The following PKD1L3 variants were observed in gnomAD, a reference collection of about 807,000 sequenced individuals.
The protein encoded by PKD1L3 is polycystin-1-like protein 3.
PKD1L3 carries 239 observed loss-of-function variants against 184.1 expected under a neutral mutation model. That is an observed-to-expected ratio of 1.30 (90% confidence interval 1.17 to 1.45). The LOEUF is 1.45. Among genes scored for constraint, PKD1L3 ranks in the 40% most tolerant of loss-of-function variants. The pLI is 0.00. For synonymous variants in PKD1L3, 996 were observed against 778.8 expected, an observed-to-expected ratio of 1.28 and a Z score of -4.64; for missense variants, 2,660 against 2,067.2, an observed-to-expected ratio of 1.29 and a Z score of -5.56.
At chr16:71,999,507 A>G (rs1300473733) in intron 1 of PKD1L3, among the ~76,000 whole-genome samples, 177 bp downstream of exon 1, 1 of 152,334 alleles carries the variant, frequency 6.6e-6, no homozygotes, top group East Asian at 1.9e-4. Flanking sequence ...TTGCTAACAG[A>G]CAAATCAAAG....
At chr16:71,959,140 G>A (rs545405049) in intron 16 of PKD1L3, among the ~76,000 whole-genome samples, 5 of 150,132 alleles carry the variant, frequency 3.3e-5, no homozygotes, top group African/African-American at 7.3e-5. Flanking sequence ...GGCTGGGCAC[G>A]GTGGCCCTCA....
At chr16:71,933,735 C>T (rs989040437) in intron 27 of PKD1L3, among the ~76,000 whole-genome samples, 180 bp downstream of exon 27, 1 of 152,042 alleles carries the variant, frequency 6.6e-6, no homozygotes, top group Non-Finnish European at 1.5e-5. Flanking sequence ...AAGTTTTATC[C>T]CCATTTTAGA....
At chr16:71,951,523 G>C in intron 19 of PKD1L3, 41 bp downstream of exon 19, 4 of 1,513,782 alleles carry the variant, frequency 2.6e-6, no homozygotes, top group Non-Finnish European at 3.6e-6. Context: ...GGGAGTGGGA[G>C]GCAGATGGAA....
At chr16:71,930,348 A>C (rs555850277) in intron 28 of PKD1L3, 165 bp from the exon 29 acceptor site, 1 of 616,700 alleles carries the variant, frequency 1.6e-6, no homozygotes. Context: ...TTTTAAATGG[A>C]CAGAAGAGCA....
chr16:71,977,566 T>C lies in PKD1L3; in HGVS notation c.1528-99A>G, dbSNP rs146520208. The stretch of plus-strand genomic sequence containing the variant: ...GTAAGGAAACGTCCTAGCTCTTTTT[T>C]TTTTTTTTTTTTTTGAGATGGGGTC... On this transcript the variant is annotated intron_variant, in intron 10 of 29. Coordinates refer to ENST00000620267, the MANE Select transcript of PKD1L3 (RefSeq NM_181536.2). 553 of 622,784 alleles carry C rather than the reference T, an allele frequency of 8.9e-4. 3 individuals carry two copies. The highest frequency in any genetic ancestry group is 1.4e-3 in the South Asian group (54 of 39,670). The allele number at this position is 622,784 out of a possible 1,614,324, so 38.6% of individuals were successfully genotyped here.
chr16:71,951,084 A>C (rs1487278225), intron 19 of PKD1L3, among the ~76,000 whole-genome samples: 1 of 151,314 alleles, frequency 6.6e-6, no homozygotes, highest in African/African-American at 2.4e-5. Flanking sequence ...ATGTTGCCCA[A>C]GCTGGAGTGT....
intron 16 of PKD1L3, among the ~76,000 whole-genome samples, chr16:71,955,311 G>C (rs984611039): frequency 1.3e-5 from 2 of 151,664 alleles, no homozygotes; most frequent in African/African-American, 4.8e-5. Flanking sequence ...GGAGTGGGAG[G>C]GAGAGGGAAA....
intron 11 of PKD1L3, among the ~76,000 whole-genome samples, chr16:71,975,643 G>C (rs576703803): frequency 6.6e-6 from 1 of 152,230 alleles, no homozygotes; most frequent in South Asian, 2.1e-4. Context: ...GAATTTTACA[G>C]GGAATAACCA....
intron 21 of PKD1L3, among the ~76,000 whole-genome samples, chr16:71,948,818 A>AAAAAAAAAAAAAAAT (rs1255233734): frequency 1.3e-5 from 2 of 150,058 alleles, no homozygotes; most frequent in African/African-American, 4.9e-5. Flanking sequence ...AAAAAAAAAA[A>AAAAAAAAAAAAAAAT]AAAAAAAGTC....
chr16:71,952,592 T>TGGGAGGCCAAGGTGGGAGAATGGC (rs1555516719), intron 18 of PKD1L3, among the ~76,000 whole-genome samples: 1 of 147,376 alleles, frequency 6.8e-6, no homozygotes, highest in Non-Finnish European at 1.5e-5. Context: ...CCCAGCACTT[T>TGGGAGGCCAAGGTGGGAGAATGGC]GGGAGGCCAA....
At chr16:71,956,833 A>G (rs1180949338) in intron 16 of PKD1L3, among the ~76,000 whole-genome samples, 5 of 152,246 alleles carry the variant, frequency 3.3e-5, no homozygotes, top group Admixed American at 6.5e-5. Context: ...CGTAATTTTA[A>G]AAGTTGTAAA....
chr16:71,959,477 A>G (rs971547421), intron 16 of PKD1L3, among the ~76,000 whole-genome samples: 4 of 152,156 alleles, frequency 2.6e-5, no homozygotes, highest in African/African-American at 4.8e-5. Context: ...AAACAGAGAA[A>G]TTGATATTAA....
chr16:71,973,558 AC>A (rs750906506), intron 11 of PKD1L3, 41 bp from the exon 12 acceptor site: 1 of 1,492,358 alleles, frequency 6.7e-7, no homozygotes, highest in Non-Finnish European at 9.1e-7. Context: ...ATCAAATGGA[AC>A]AAAAACACCA....
At chr16:71,996,617 C>A (rs1471156356) in intron 2 of PKD1L3, among the ~76,000 whole-genome samples, 1 of 152,128 alleles carries the variant, frequency 6.6e-6, no homozygotes, top group Non-Finnish European at 1.5e-5. Context: ...CCTTCTTAGA[C>A]CCCGACAACC....
At chr16:71,992,363 GTAATT>G (rs1261245367) in intron 3 of PKD1L3, among the ~76,000 whole-genome samples, 1 of 152,138 alleles carries the variant, frequency 6.6e-6, no homozygotes, top group Non-Finnish European at 1.5e-5. Flanking sequence ...ATTTAATTCA[GTAATT>G]TAGTTTTACT....
At chr16:71,997,818 G>C (rs566695122) in intron 2 of PKD1L3, among the ~76,000 whole-genome samples, 1 of 151,804 alleles carries the variant, frequency 6.6e-6, no homozygotes, top group Non-Finnish European at 1.5e-5. Flanking sequence ...AAATGCATAC[G>C]TACATACATA....
chr16:71,959,250 A>C (rs531244198), intron 16 of PKD1L3, among the ~76,000 whole-genome samples: 16 of 152,208 alleles, frequency 1.1e-4, no homozygotes, highest in African/African-American at 3.9e-4. Context: ...GTCTCTACTA[A>C]AAATACAAAA....
intron 11 of PKD1L3, among the ~76,000 whole-genome samples, chr16:71,974,648 C>T (rs987502292): frequency 8.5e-5 from 13 of 152,288 alleles, no homozygotes; most frequent in South Asian, 4.1e-4. Flanking sequence ...CGCACCACTG[C>T]GCTCCACCCT....
intron 17 of PKD1L3, 76 bp from the exon 18 acceptor site, chr16:71,953,169 A>C: frequency 8.2e-7 from 1 of 1,226,654 alleles, no homozygotes; most frequent in Non-Finnish European, 1.1e-6. Flanking sequence ...TCCTAGGTTT[A>C]ACTATTTACT....
Sources: allele counts gnomAD v4.1 joint callset (sites outside exome capture counted in the v4.1 genomes callset), GRCh38; gene constraint gnomAD v4.1.1; transcripts MANE v1.5; gene names NCBI Gene and HGNC (gene_info 2026-07-23, HGNC 2026-07-21).